The following MAP2 variants were observed in gnomAD, a reference collection of about 807,000 sequenced individuals.
MAP2 encodes the protein microtubule-associated protein 2.
MAP2 carries 14 observed loss-of-function variants against 137.6 expected under a neutral mutation model. The ratio of observed to expected loss-of-function variants is 0.10; its 90% CI spans 0.07 to 0.16. MAP2 has a LOEUF of 0.16. Ranked by LOEUF, MAP2 falls within the 10% of genes least tolerant of loss-of-function variation. The pLI is 1.00. For missense variants in MAP2, 2,088 were observed against 2,191.5 expected (o/e 0.95, Z 0.94); for synonymous variants, 786 against 782.3 (o/e 1.00, Z -0.08).
chr2:209,470,135 A>G (rs548745389), intron 1 of MAP2, among the ~76,000 whole-genome samples: 6 of 152,296 alleles, frequency 3.9e-5, no homozygotes, highest in African/African-American at 9.6e-5. Context: ...CAAATCTTCA[A>G]TGTTCAAAAT....
chr2:209,662,067 A>C (rs1179360977), intron 5 of MAP2, among the ~76,000 whole-genome samples: 1 of 152,202 alleles, frequency 6.6e-6, no homozygotes, highest in Non-Finnish European at 1.5e-5. Flanking sequence ...TATATGAGGA[A>C]AACTTGGTTT....
At chr2:209,704,312 C>A (rs2062696077) in intron 11 of MAP2, 13 of 683,022 alleles carry the variant, frequency 1.9e-5, no homozygotes, top group Non-Finnish European at 3.1e-5. Context: ...ACATCTCTAT[C>A]ATTGATTATA....
chr2:209,459,779 C>T (rs778641842), intron 1 of MAP2, among the ~76,000 whole-genome samples: 40 of 152,178 alleles, frequency 2.6e-4, no homozygotes, highest in Non-Finnish European at 4.3e-4. Flanking sequence ...CAGTTTGGGA[C>T]TTGCAGGCCC....
chr2:209,688,168 T>G (rs2057696180), intron 7 of MAP2, among the ~76,000 whole-genome samples: 1 of 152,218 alleles, frequency 6.6e-6, no homozygotes, highest in South Asian at 2.1e-4. Flanking sequence ...TGTGAGCACT[T>G]CCTTTTTCTG....
intron 1 of MAP2, among the ~76,000 whole-genome samples, chr2:209,468,716 T>C (rs1001907288): frequency 1.3e-5 from 2 of 152,218 alleles, no homozygotes; most frequent in Admixed American, 1.3e-4. Context: ...ATGATTCTTA[T>C]ATTTTTTGCA....
intron 5 of MAP2, among the ~76,000 whole-genome samples, chr2:209,674,427 A>G (rs1253758063): frequency 6.6e-6 from 1 of 151,826 alleles, no homozygotes; most frequent in Non-Finnish European, 1.5e-5. Context: ...TCTGAGACAG[A>G]TACTAAAATT....
intron 10 of MAP2, 129 bp from the exon 11 acceptor site, chr2:209,700,148 C>G (rs913537343): frequency 3.1e-6 from 2 of 647,206 alleles, no homozygotes; most frequent in Non-Finnish European, 5.5e-6. Flanking sequence ...GAATTTGAGT[C>G]TCATAATAAG....
chr2:209,532,389 T>G (rs571718702), intron 2 of MAP2, among the ~76,000 whole-genome samples: 1 of 152,294 alleles, frequency 6.6e-6, no homozygotes, highest in Admixed American at 6.5e-5. Flanking sequence ...TAATGCTAAG[T>G]GTTAAGCCCT....
Position 209,732,094 on chromosome 2 carries a change from T to C in MAP2, c.*1697T>C, listed in dbSNP as rs2075848353. On this transcript the variant is annotated 3_prime_UTR_variant, in exon 16 of 16. Transcript: ENST00000682079. Reference sequence around the variant, plus strand: ...AAATTTTATCTGTTCTTTTTCTTGCTCAGGGCTGGTAGGTTGGATCTGAAC... The same window carrying C: ...AAATTTTATCTGTTCTTTTTCTTGCCCAGGGCTGGTAGGTTGGATCTGAAC... 1 of 152,254 alleles carries C rather than the reference T, an allele frequency of 6.6e-6. No individual in the cohort carries two copies. The highest frequency in any genetic ancestry group is 1.5e-5 in the Non-Finnish European group (1 of 68,058). 9.4% of individuals were successfully genotyped at this position (152,254 alleles called of 1,614,324 possible). A position where few individuals can be genotyped will look rare whatever the true frequency, so the allele number is the denominator to read the frequency against.
In MAP2 at chr2:209,695,229, G is replaced by T. The variant is rs1473604717; in HGVS notation, c.3059G>T (p.Ser1020Ile). 2 of 1,613,990 alleles carry T rather than the reference G, an allele frequency of 1.2e-6. No individual in the cohort carries two copies. The change falls in exon 8 of 16, where the codon AGT becomes ATT. Residue 1020 changes from serine to isoleucine, a missense_variant. Ser to Ile is a moderately radical substitution (Grantham distance 142). Coordinates refer to ENST00000682079, the MANE Select transcript of MAP2 (RefSeq NM_001375505.1). ...TCTGAGAAAGCAGAGAAGGGTCTTAGTTCAGTGCCAGAGATAGCTGAGGTA... is the reference window on the plus strand; with the variant it reads ...TCTGAGAAAGCAGAGAAGGGTCTTATTTCAGTGCCAGAGATAGCTGAGGTA... The part of the protein sequence containing the change: ...ASSEKAEKGL[S>I]SVPEIAEVEP...
chr2:209,686,951 A>G (rs1201616973), intron 7 of MAP2, among the ~76,000 whole-genome samples: 2 of 152,052 alleles, frequency 1.3e-5, no homozygotes, highest in African/African-American at 2.4e-5. Context: ...ATAAGAAAAC[A>G]AGTTTATAAT....
chr2:209,572,175 A>G (rs952828980), intron 2 of MAP2, among the ~76,000 whole-genome samples: 3 of 152,034 alleles, frequency 2.0e-5, no homozygotes, highest in Non-Finnish European at 4.4e-5. Flanking sequence ...TTAAAGCCTG[A>G]TTCAAGAGCA....
chr2:209,686,799 A>G (rs536007440), intron 7 of MAP2, among the ~76,000 whole-genome samples: 1 of 152,182 alleles, frequency 6.6e-6, no homozygotes, highest in Admixed American at 6.5e-5. Flanking sequence ...ATGCAATAAG[A>G]GGTTTGAAAC....
intron 13 of MAP2, among the ~76,000 whole-genome samples, chr2:209,724,875 A>G (rs1404530715): frequency 6.6e-6 from 1 of 152,230 alleles, no homozygotes; most frequent in Non-Finnish European, 1.5e-5. Context: ...GGACCCAGCT[A>G]TCCTTTACAC....
chr2:209,679,560 C>G (rs1395691385), intron 6 of MAP2, among the ~76,000 whole-genome samples: 4 of 152,052 alleles, frequency 2.6e-5, no homozygotes, highest in Admixed American at 2.0e-4. Flanking sequence ...CCATTTCCCT[C>G]TCTTACAGTC....
At chr2:209,699,574 G>GA (rs2061223495) in intron 10 of MAP2, among the ~76,000 whole-genome samples, 1 of 152,152 alleles carries the variant, frequency 6.6e-6, no homozygotes, top group African/African-American at 2.4e-5. Context: ...ACAGCAGCAA[G>GA]AGAAACAACA....
chr2:209,606,139 A>G (rs1402023826), intron 3 of MAP2, among the ~76,000 whole-genome samples: 2 of 152,176 alleles, frequency 1.3e-5, no homozygotes, highest in Non-Finnish European at 2.9e-5. Context: ...AAAATCGTAT[A>G]TCAAGCCTTT....
chr2:209,658,669 G>A (rs1197022467), intron 5 of MAP2, among the ~76,000 whole-genome samples: 2 of 151,928 alleles, frequency 1.3e-5, no homozygotes, highest in Non-Finnish European at 1.5e-5. Context: ...ACCAGGCCTG[G>A]CTAATTTTTG....
chr2:209,650,612 C>T (rs532183517), intron 4 of MAP2, among the ~76,000 whole-genome samples: 61 of 152,086 alleles, frequency 4.0e-4, no homozygotes, highest in South Asian at 3.5e-3. Flanking sequence ...GATCCTGAAA[C>T]GAAAACGAAA....
Sources: allele counts gnomAD v4.1 joint callset (sites outside exome capture counted in the v4.1 genomes callset), GRCh38; gene constraint gnomAD v4.1.1; transcripts MANE v1.5; gene names NCBI Gene and HGNC (gene_info 2026-07-23, HGNC 2026-07-21).